Variants in RBFOX1 observed in about 807,000 individuals in gnomAD.
RBFOX1 encodes RNA binding fox-1 homolog 1.
A neutral mutation model predicts 57.7 loss-of-function variants in RBFOX1; 8 were observed. The ratio of observed to expected loss-of-function variants is 0.14; its 90% CI spans 0.08 to 0.25. The LOEUF (loss-of-function observed/expected upper bound fraction) is 0.25. RBFOX1 is among the 10% of genes least tolerant of loss of function. RBFOX1 has a pLI of 1.00. For missense variants in RBFOX1, 611 were observed against 548.5 expected, an observed-to-expected ratio of 1.11 and a Z score of -1.14; for synonymous variants, 326 against 222.4, an observed-to-expected ratio of 1.47 and a Z score of -4.15.
At chr16:6,458,049 G>C (rs537943314) in intron 2 of RBFOX1, among the ~76,000 whole-genome samples, 29 of 152,130 alleles carry the variant, frequency 1.9e-4, no homozygotes, top group African/African-American at 7.0e-4. Flanking sequence ...TTTCTTTGTA[G>C]CATGTTTTTA....
intron 14 of RBFOX1, among the ~76,000 whole-genome samples, chr16:7,694,699 A>G (rs574234327): frequency 4.6e-5 from 7 of 152,322 alleles, no homozygotes; most frequent in South Asian, 4.1e-4. Flanking sequence ...GCAATGGTTA[A>G]TTGAATTGCT....
intron 2 of RBFOX1, among the ~76,000 whole-genome samples, chr16:5,468,318 GC>G (rs2069017775): frequency 6.6e-6 from 1 of 152,066 alleles, no homozygotes; most frequent in African/African-American, 2.4e-5. Flanking sequence ...CCAAAGTAAA[GC>G]CCTGTACCCA....
chr16:7,065,363 A>C (rs1368342711), intron 4 of RBFOX1, among the ~76,000 whole-genome samples: 1 of 151,882 alleles, frequency 6.6e-6, no homozygotes, highest in Non-Finnish European at 1.5e-5. Flanking sequence ...CTTTCCCCTG[A>C]TACACTCCAC....
intron 2 of RBFOX1, among the ~76,000 whole-genome samples, chr16:6,648,780 C>T (rs867243878): frequency 2.0e-5 from 3 of 152,136 alleles, no homozygotes; most frequent in African/African-American, 2.4e-5. Context: ...TTCTCAATGG[C>T]ATTTTCTACA....
chr16:6,753,516 C>A (rs377176444), intron 3 of RBFOX1, among the ~76,000 whole-genome samples: 1 of 152,156 alleles, frequency 6.6e-6, no homozygotes, highest in Admixed American at 6.5e-5. Flanking sequence ...TATACCATGT[C>A]TCTCTGCCTG....
chr16:7,157,447 A>C (rs1190666985), intron 4 of RBFOX1, among the ~76,000 whole-genome samples: 1 of 152,106 alleles, frequency 6.6e-6, no homozygotes, highest in African/African-American at 2.4e-5. Context: ...AGGAAATGTT[A>C]TGGCAGCAGA....
At chr16:6,581,826 A>G (rs538916998) in intron 2 of RBFOX1, among the ~76,000 whole-genome samples, 1 of 152,328 alleles carries the variant, frequency 6.6e-6, no homozygotes, top group East Asian at 1.9e-4. Flanking sequence ...CTTTGGTGTT[A>G]TATCCCTCAA....
At chr16:7,356,582 T>G (rs2097218388) in intron 4 of RBFOX1, among the ~76,000 whole-genome samples, 1 of 152,106 alleles carries the variant, frequency 6.6e-6, no homozygotes, top group African/African-American at 2.4e-5. Flanking sequence ...TGAGTTTGGA[T>G]TTTTATAGAG....
chr16:5,292,384 T>C (rs929832505), intron 1 of RBFOX1, among the ~76,000 whole-genome samples: 28 of 152,252 alleles, frequency 1.8e-4, no homozygotes, highest in Admixed American at 3.3e-4. Flanking sequence ...GAAATGTGGC[T>C]GGGAGCTTCA....
chr16:5,463,139 C>G (rs1300919485), intron 1 of RBFOX1, among the ~76,000 whole-genome samples: 2 of 151,978 alleles, frequency 1.3e-5, no homozygotes, highest in African/African-American at 4.8e-5. Context: ...ACCTTGCATC[C>G]CTGGTTGTAC....
At chr16:5,275,171 T>A (rs1354871395) in intron 1 of RBFOX1, among the ~76,000 whole-genome samples, 1 of 152,204 alleles carries the variant, frequency 6.6e-6, no homozygotes, top group Non-Finnish European at 1.5e-5. Context: ...AAAATTTTTT[T>A]GATAGAGAAT....
intron 2 of RBFOX1, among the ~76,000 whole-genome samples, chr16:5,540,128 C>G (rs1162967019): frequency 1.3e-5 from 2 of 152,026 alleles, no homozygotes; most frequent in Admixed American, 1.3e-4. Context: ...AACAGAAAAA[C>G]AAAGGAAGCC....
intron 4 of RBFOX1, among the ~76,000 whole-genome samples, chr16:7,163,599 C>G (rs868412648): frequency 6.6e-6 from 1 of 152,004 alleles, no homozygotes. Context: ...TTCTACAGAG[C>G]AGAATAAGCT....
At chr16:6,483,626 C>T (rs2095411272) in intron 2 of RBFOX1, 4 of 1,496,954 alleles carry the variant, frequency 2.7e-6, no homozygotes, top group Non-Finnish European at 3.6e-6. Flanking sequence ...AGGGAGAGAC[C>T]AGGCAGCTTC....
chr16:7,488,354 TAC>T (rs2065964280), intron 4 of RBFOX1, among the ~76,000 whole-genome samples: 1 of 152,212 alleles, frequency 6.6e-6, no homozygotes, highest in Middle Eastern at 3.2e-3. Context: ...GTTGGATAGA[TAC>T]ACATTTAGAT....
At chr16:7,006,350 T>C (rs746520071) in intron 3 of RBFOX1, among the ~76,000 whole-genome samples, 7 of 152,118 alleles carry the variant, frequency 4.6e-5, no homozygotes, top group Admixed American at 2.0e-4. Context: ...GGACGGGGTT[T>C]TATCATGTTG....
At chr16:5,286,638 C>T (rs1460238182) in intron 1 of RBFOX1, among the ~76,000 whole-genome samples, 1 of 152,170 alleles carries the variant, frequency 6.6e-6, no homozygotes, top group African/African-American at 2.4e-5. Flanking sequence ...TGTTTTGAGC[C>T]AGTCACTCGT....
At chr16:5,345,984 C>T (rs1294155859) in intron 1 of RBFOX1, among the ~76,000 whole-genome samples, 1 of 152,110 alleles carries the variant, frequency 6.6e-6, no homozygotes, top group Non-Finnish European at 1.5e-5. Context: ...CCCCCATGCT[C>T]ATGGAATAAC....
intron 3 of RBFOX1, among the ~76,000 whole-genome samples, chr16:6,902,111 T>G (rs4786126): frequency 6.6e-6 from 1 of 151,916 alleles, no homozygotes; most frequent in African/African-American, 2.4e-5. Context: ...ATCAGGTGTC[T>G]TACTTGAAAC....
Sources: allele counts gnomAD v4.1 joint callset (sites outside exome capture counted in the v4.1 genomes callset), GRCh38; gene constraint gnomAD v4.1.1; transcripts MANE v1.5; gene names NCBI Gene and HGNC (gene_info 2026-07-23, HGNC 2026-07-21).